Variants in ADGRD2 observed in about 807,000 individuals in gnomAD.
ADGRD2 encodes G protein-coupled receptor PGR24.
In ADGRD2, 71 loss-of-function variants were observed where a neutral mutation model predicts 44.4. That is an observed-to-expected ratio of 1.60 (90% CI 1.32 to 1.95). The LOEUF (loss-of-function observed/expected upper bound fraction) is 1.95, where lower values mean the gene tolerates loss of function less well. ADGRD2 is among the 30% of genes most tolerant of loss of function. ADGRD2 has a pLI of 0.00. For missense variants in ADGRD2, 1,039 were observed against 512.4 expected, an observed-to-expected ratio of 2.03 and a Z score of -9.92; for synonymous variants, 481 against 224.8, an observed-to-expected ratio of 2.14 and a Z score of -10.19.
chr9:124,458,565 G>A, intron 9 of ADGRD2, 51 bp from the exon 13 acceptor site: 1 of 707,440 alleles, frequency 1.4e-6, no homozygotes, highest in Non-Finnish European at 2.7e-6. Flanking sequence ...CCGCAGCCAG[G>A]CACCATCCCT....
chr9:124,453,671 G>T, exon 3 of ADGRD2: 1 of 699,812 alleles, frequency 1.4e-6, no homozygotes, highest in Non-Finnish European at 2.6e-6. Flanking sequence ...CGCCTTCTCT[G>T]TCCCGGTACG....
At chr9:124,455,105 A>G (rs1275406164) in exon 6 of ADGRD2, 1 of 709,640 alleles carries the variant, frequency 1.4e-6, no homozygotes. Context: ...CAGGTGGCTG[A>G]CACATGGCTC....
chr9:124,478,431 G>A (rs916438375), exon 22 of ADGRD2: 4 of 152,524 alleles, frequency 2.6e-5, no homozygotes, highest in Non-Finnish European at 5.9e-5. Context: ...TTCCCTAAAG[G>A]ACTGTGGGCC....
chr9:124,476,259 T>C (rs1426161444), intron 19 of ADGRD2, 98 bp from the exon 23 acceptor site: 1 of 618,502 alleles, frequency 1.6e-6, no homozygotes, highest in Non-Finnish European at 2.9e-6. Context: ...GAGTGGATTC[T>C]TAGCGTATTT....
At chr9:124,451,352 C>T, upstream of ADGRD2, 1 of 401,958 alleles carries the variant, frequency 2.5e-6, no homozygotes, top group South Asian at 1.8e-5. Flanking sequence ...ACTGCTGCTG[C>T]CTCCCCCTCT....
At chr9:124,473,563 G>A (rs1444102016) in intron 17 of ADGRD2, among the ~76,000 whole-genome samples, 1 of 152,244 alleles carries the variant, frequency 6.6e-6, no homozygotes, top group Non-Finnish European at 1.5e-5. Context: ...GTTTTGTTCA[G>A]TTGTTCAACA....
At chr9:124,458,945 C>T (rs1170362091) in intron 10 of ADGRD2, among the ~76,000 whole-genome samples, 1 of 152,234 alleles carries the variant, frequency 6.6e-6, no homozygotes, top group African/African-American at 2.4e-5. Context: ...GTTTAATCCT[C>T]CAACCGCGCA....
chr9:124,454,780 T>C lies in ADGRD2; in HGVS notation c.1109-63T>C. 1 of 624,852 alleles carries C rather than the reference T, an allele frequency of 1.6e-6. No homozygotes were observed. Among genetic ancestry groups the C allele is most frequent in the Admixed American group, 2.5e-5 (1 of 39,556 alleles). 38.7% of individuals were successfully genotyped at this position (624,852 alleles called of 1,614,324 possible). On this transcript the variant is annotated intron_variant, in intron 5 of 21. Coordinates refer to ENST00000334810, the Ensembl canonical transcript of ADGRD2. The surrounding 1 kb of genome is among the most constrained non-coding windows in gnomAD (Gnocchi z 4.5). ...AGAAGACCCTGGCAAAGCCCAAGTGTGGCCCTTGGGGGGATCCCCTCATAA... is the reference window on the plus strand; with the variant it reads ...AGAAGACCCTGGCAAAGCCCAAGTGCGGCCCTTGGGGGGATCCCCTCATAA...
intron 12 of ADGRD2, 105 bp from the exon 16 acceptor site, chr9:124,467,983 T>C: frequency 1.4e-6 from 1 of 709,302 alleles, no homozygotes; most frequent in Non-Finnish European, 2.6e-6. Flanking sequence ...GCTGCTCTCT[T>C]TCCCTCCATC....
At chr9:124,463,628 G>T (rs1484536146) in intron 10 of ADGRD2, among the ~76,000 whole-genome samples, 2 of 152,090 alleles carry the variant, frequency 1.3e-5, no homozygotes, top group African/African-American at 4.8e-5. Flanking sequence ...GATTGATATA[G>T]GTTATTTGGG....
exon 3 of ADGRD2, chr9:124,453,638 C>T (rs1193795956): frequency 1.1e-5 from 8 of 701,012 alleles, no homozygotes; most frequent in Non-Finnish European, 2.1e-5. Context: ...GTCACGCCCT[C>T]GCTGCTGCCC....
intron 10 of ADGRD2, 65 bp from the exon 14 acceptor site, chr9:124,466,193 C>T: frequency 1.9e-6 from 1 of 532,994 alleles, no homozygotes; most frequent in Non-Finnish European, 3.5e-6. Context: ...AGGCCCCAGG[C>T]TCTGGGGAAA....
At chr9:124,470,805 G>A (rs564515614) in intron 17 of ADGRD2, among the ~76,000 whole-genome samples, 191 bp downstream of exon 20, 9 of 152,374 alleles carry the variant, frequency 5.9e-5, no homozygotes, top group African/African-American at 1.7e-4. Flanking sequence ...ATCAACCAGC[G>A]GTTCGTGCAG....
chr9:124,458,170 C>T (rs534551897), exon 9 of ADGRD2: 7 of 718,530 alleles, frequency 9.7e-6, no homozygotes, highest in South Asian at 7.4e-5. Context: ...TTCCAGCACA[C>T]CCTAGAGGGA....
At chr9:124,459,482 A>T (rs1025073568) in intron 10 of ADGRD2, among the ~76,000 whole-genome samples, 9 of 151,926 alleles carry the variant, frequency 5.9e-5, no homozygotes, top group Non-Finnish European at 1.2e-4. Flanking sequence ...TGACAGAACA[A>T]GACTCTGTCT....
intron 21 of ADGRD2, chr9:124,477,008 G>T (rs1257227937): frequency 1.1e-5 from 7 of 650,968 alleles, no homozygotes; most frequent in Non-Finnish European, 2.0e-5. Flanking sequence ...GGGGGGCGCT[G>T]CCAAGGAGCA....
Position 124,454,078 on chromosome 9 carries a change from C to A in ADGRD2, c.1005C>A (p.Phe335Leu). The A allele has an allele frequency of 1.4e-6, 1 of 711,398 alleles. No homozygotes were observed. The allele number at this position is 711,398 out of a possible 1,614,324, so 44.1% of individuals were successfully genotyped here. ...AGCTCTGCCTGGAGCCGCAGCCCTT[C>A]CTCTGCTGCTACCGGACAGGTGCGC... is the stretch of plus-strand genomic sequence containing the variant. Residue 335 changes from phenylalanine to leucine, a missense_variant, in exon 4 of 22, where the codon TTC becomes TTA. By Grantham distance (22) the Phe-to-Leu change is conservative (BLOSUM62 0). Coordinates refer to ENST00000334810, the Ensembl canonical transcript of ADGRD2. This position sits in a 1 kb window ranked among gnomAD's most constrained non-coding sequence, Gnocchi z 4.5.
chr9:124,451,007 A>C, upstream of ADGRD2: 1 of 469,338 alleles, frequency 2.1e-6, no homozygotes, highest in Admixed American at 2.4e-5. Context: ...ATCCCCGCTG[A>C]GCACAGCGTC....
At chr9:124,453,750 C>A (rs1831555901) in intron 3 of ADGRD2, 74 bp downstream of exon 6, 3 of 646,090 alleles carry the variant, frequency 4.6e-6, no homozygotes, top group Non-Finnish European at 8.4e-6. Flanking sequence ...CTCGACCCAC[C>A]CCTTGCCAAC....
Sources: allele counts gnomAD v4.1 joint callset (sites outside exome capture counted in the v4.1 genomes callset), GRCh38; gene constraint gnomAD v4.1.1; non-coding constraint Gnocchi (gnomAD v3.1); transcripts MANE v1.5; gene names NCBI Gene and HGNC (gene_info 2026-07-23, HGNC 2026-07-21).